TMTC1: variants seen among roughly 807,000 people sequenced by gnomAD.
The protein encoded by TMTC1 is transmembrane O-mannosyltransferase targeting cadherins 1, also known as protein O-mannosyl-transferase TMTC1.
A neutral mutation model predicts 104.8 loss-of-function variants in TMTC1; 73 were observed. The observed-to-expected ratio is 0.70, with a 90% confidence interval of 0.58 to 0.85. The LOEUF (loss-of-function observed/expected upper bound fraction) is 0.85. Among genes scored for constraint, TMTC1 ranks in the 40% least tolerant of loss-of-function variants. TMTC1 has a pLI of 0.00. For missense variants in TMTC1, 1,035 were observed against 1,096.1 expected, an observed-to-expected ratio of 0.94 and a Z score of 0.79; for synonymous variants, 434 against 428.7, an observed-to-expected ratio of 1.01 and a Z score of -0.15.
intron 5 of TMTC1, among the ~76,000 whole-genome samples, chr12:29,688,190 G>C (rs1464521927): frequency 2.0e-5 from 3 of 152,150 alleles, no homozygotes; most frequent in Non-Finnish European, 4.4e-5. Flanking sequence ...AGCAGGGATT[G>C]AATTATTGAA....
At chr12:29,686,124 T>C (rs1941084131) in intron 5 of TMTC1, among the ~76,000 whole-genome samples, 1 of 152,150 alleles carries the variant, frequency 6.6e-6, no homozygotes, top group Non-Finnish European at 1.5e-5. Context: ...CATTCGGTCT[T>C]ACTAGACATC....
chr12:29,784,178 T>A (rs1943906230), upstream of TMTC1: 1 of 152,294 alleles, frequency 6.6e-6, no homozygotes, highest in Admixed American at 6.5e-5. Flanking sequence ...TGTCCGGCTG[T>A]GCTCACCCCC....
chr12:29,521,508 T>C (rs556520483), intron 11 of TMTC1, among the ~76,000 whole-genome samples: 4 of 152,306 alleles, frequency 2.6e-5, no homozygotes, highest in African/African-American at 4.8e-5. Context: ...AGATTCACTT[T>C]AGCAAACTTT....
Position 29,768,867 on chromosome 12 carries a change from C to T in TMTC1, c.303-792G>A, listed in dbSNP as rs115578118. Among the ~76,000 whole-genome samples the T allele has an allele frequency of 2.1e-3, 317 of 152,296 alleles. 1 individual carries two copies. Among genetic ancestry groups the T allele is most frequent in the African/African-American group, 7.1e-3 (295 of 41,556 alleles). On this transcript the variant is annotated intron_variant, in intron 1 of 17. Transcript: ENST00000539277. ...GAGACAGAAATGCAGAATAGACAGACTTCTGAAGGTTGCCTTAAATTTAAT... is the reference window on the plus strand; with the variant it reads ...GAGACAGAAATGCAGAATAGACAGATTTCTGAAGGTTGCCTTAAATTTAAT...
At chr12:29,751,130 G>A (rs768859901) in intron 5 of TMTC1, among the ~76,000 whole-genome samples, 1 of 152,186 alleles carries the variant, frequency 6.6e-6, no homozygotes, top group Non-Finnish European at 1.5e-5. Flanking sequence ...CTAATTTAGG[G>A]AGCAACACCT....
At chr12:29,682,547 A>G (rs1940956701) in intron 5 of TMTC1, among the ~76,000 whole-genome samples, 1 of 152,244 alleles carries the variant, frequency 6.6e-6, no homozygotes, top group African/African-American at 2.4e-5. Context: ...GTACATCTGT[A>G]TTATGTAACA....
At chr12:29,580,858 G>A (rs1945960309) in intron 8 of TMTC1, among the ~76,000 whole-genome samples, 1 of 152,034 alleles carries the variant, frequency 6.6e-6, no homozygotes, top group Non-Finnish European at 1.5e-5. Flanking sequence ...ATATGTTCAT[G>A]TGTCTGCTTC....
intron 6 of TMTC1, among the ~76,000 whole-genome samples, chr12:29,623,558 T>C (rs1428944638): frequency 6.6e-6 from 1 of 152,228 alleles, no homozygotes; most frequent in East Asian, 1.9e-4. Flanking sequence ...CTCATGCCTG[T>C]AATCCCAACA....
At chr12:29,764,042 T>C (rs1943409797) in intron 2 of TMTC1, among the ~76,000 whole-genome samples, 1 of 152,208 alleles carries the variant, frequency 6.6e-6, no homozygotes, top group African/African-American at 2.4e-5. Context: ...AGTTCATGGT[T>C]AGTGAAAAAT....
At chr12:29,731,348 C>T (rs1019859972) in intron 5 of TMTC1, among the ~76,000 whole-genome samples, 3 of 152,060 alleles carry the variant, frequency 2.0e-5, no homozygotes, top group Non-Finnish European at 4.4e-5. Flanking sequence ...GTAGAGACGG[C>T]GTTTCATCAT....
At chr12:29,521,833 GC>G (rs1462591965) in intron 11 of TMTC1, among the ~76,000 whole-genome samples, 3 of 152,148 alleles carry the variant, frequency 2.0e-5, no homozygotes, top group African/African-American at 7.2e-5. Context: ...CTACCAAAGT[GC>G]TGGGATTACA....
chr12:29,698,823 CTTA>C (rs1195230828), intron 5 of TMTC1, among the ~76,000 whole-genome samples: 2 of 152,198 alleles, frequency 1.3e-5, no homozygotes, highest in African/African-American at 2.4e-5. Context: ...GAGCCCAACA[CTTA>C]TTGTCAAAGT....
chr12:29,518,640 C>T (rs965928851), intron 12 of TMTC1, 33 bp from the exon 13 acceptor site: 12 of 1,606,026 alleles, frequency 7.5e-6, no homozygotes, highest in Non-Finnish European at 1.0e-5. Context: ...AAGAGCAGAA[C>T]ATGCCTTTTT....
At position 29,751,688 on chromosome 12, in the gene TMTC1, G is replaced by T. The variant is rs115853420; in HGVS notation, c.916C>A (p.Arg306=). ...TACCTCATCATGGACCACACAGCTC[G>T]TGGGGACACTGGGAATCCACTGCTC... ...PKSSGFPVSP[R]AVWSMMRFLT... is the part of the protein sequence containing the mutation. Residue 306 remains arginine (R), a synonymous_variant, in exon 5 of 18, where the codon CGA becomes AGA. Transcript: ENST00000539277. 311 of 1,614,128 alleles carry T rather than the reference G, an allele frequency of 1.9e-4. No individual in the cohort carries two copies. In the African/African-American group the frequency reaches 3.4e-3, roughly 18 times the overall value.
chr12:29,539,371 G>A (rs574804688), intron 10 of TMTC1, among the ~76,000 whole-genome samples: 2 of 151,608 alleles, frequency 1.3e-5, no homozygotes, highest in Non-Finnish European at 2.9e-5. Flanking sequence ...ACTCAGTTTC[G>A]CTTGCTAATG....
At chr12:29,560,673 T>C (rs917216995) in intron 9 of TMTC1, among the ~76,000 whole-genome samples, 3 of 152,154 alleles carry the variant, frequency 2.0e-5, no homozygotes, top group Non-Finnish European at 4.4e-5. Context: ...GAAGAAAAAT[T>C]TGTGTTCAAG....
intron 6 of TMTC1, among the ~76,000 whole-genome samples, chr12:29,620,470 T>C (rs544108202): frequency 2.0e-5 from 3 of 152,236 alleles, no homozygotes; most frequent in African/African-American, 2.4e-5. Flanking sequence ...AAATTAATTA[T>C]TGAATTTCAT....
Position 29,506,987 on chromosome 12 carries a change from C to G in TMTC1, c.2509-1G>C. On this transcript the variant is annotated splice_acceptor_variant, in intron 17 of 17. Coordinates refer to ENST00000539277, the MANE Select transcript of TMTC1 (RefSeq NM_001193451.2). LOFTEE classifies it high-confidence loss of function. ...AAGCTCTTGCAGACACATATTTTCC[C>G]TGGGGGTGGGAAAGAGGGAGCAATT... 3 of 1,613,298 alleles carry G rather than the reference C, an allele frequency of 1.9e-6. No individual in the cohort carries two copies. Among genetic ancestry groups the G allele is most frequent in the Non-Finnish European group, 2.5e-6 (3 of 1,179,298 alleles).
chr12:29,641,403 G>A (rs1938844872), intron 5 of TMTC1, among the ~76,000 whole-genome samples: 1 of 152,096 alleles, frequency 6.6e-6, no homozygotes, highest in Non-Finnish European at 1.5e-5. Flanking sequence ...CCCATAGACG[G>A]TTCATATCAC....
Sources: allele counts gnomAD v4.1 joint callset (sites outside exome capture counted in the v4.1 genomes callset), GRCh38; gene constraint gnomAD v4.1.1; transcripts MANE v1.5; gene names NCBI Gene and HGNC (gene_info 2026-07-23, HGNC 2026-07-21).